Variants in CCDC88C observed in about 807,000 individuals in gnomAD.
CCDC88C encodes the protein coiled-coil and HOOK domain protein 88C.
CCDC88C carries 131 observed loss-of-function variants against 198.8 expected under a neutral mutation model. The ratio of observed to expected loss-of-function variants is 0.66; its 90% confidence interval spans 0.57 to 0.76. The LOEUF is 0.76. Among genes scored for constraint, CCDC88C ranks in the 30% least tolerant of loss-of-function variants. The pLI, the probability that CCDC88C is intolerant of heterozygous loss-of-function variation, is 0.00. For missense variants in CCDC88C, 2,553 were observed against 2,631.6 expected (o/e 0.97, Z 0.65); for synonymous variants, 1,166 against 1,114.7 (o/e 1.05, Z -0.92).
chr14:91,377,051 T>A (rs556944871), intron 3 of CCDC88C, among the ~76,000 whole-genome samples: 136 of 129,230 alleles, frequency 1.1e-3, no homozygotes, highest in African/African-American at 3.9e-3. Flanking sequence ...ACTGAGACAC[T>A]GGTCTTGAAG....
chr14:91,391,922 T>C lies in CCDC88C; in HGVS notation c.270+16737A>G, dbSNP rs552914817. Among the ~76,000 whole-genome samples the C allele has an allele frequency of 2.6e-3, 396 of 152,294 alleles. 1 individual carries two copies. The highest frequency in any genetic ancestry group is 9.2e-3 in the African/African-American group (384 of 41,568). Reference sequence around the variant, plus strand: ...CGCTTTCCAGCTACTTTCTTTTTTTTTGGAGACGGAGTCTTGCTCTGTCGC... The same window carrying C: ...CGCTTTCCAGCTACTTTCTTTTTTTCTGGAGACGGAGTCTTGCTCTGTCGC... On this transcript the variant is annotated intron_variant, in intron 3 of 29. Transcript: ENST00000389857.
rs377498688 is a variant in CCDC88C, at chr14:91,314,054, C to G, written c.1762G>C (p.Val588Leu). 3.1e-6 allele frequency: 5 copies of G among 1,613,804 alleles called. No homozygotes were observed. Among genetic ancestry groups the G allele is most frequent in the Non-Finnish European group, 4.2e-6 (5 of 1,179,890 alleles). ...QVSSEARMKD[V>L]EKENKALHQT... is the part of the protein sequence containing the mutation. ...TGGAGGGCTTTGTTCTCCTTCTCCACGTCTTTCATGCGGGCCTCACTGCTG... is the reference window on the plus strand; with the variant it reads ...TGGAGGGCTTTGTTCTCCTTCTCCAGGTCTTTCATGCGGGCCTCACTGCTG... Residue 588 changes from valine (V) to leucine (L), a missense_variant, in exon 15 of 30, where the codon GTG (valine) becomes CTG (leucine). By Grantham distance (32) the Val-to-Leu change is conservative (BLOSUM62 1). This residue lies in a region of CCDC88C where 1,260 missense variants were observed against 1,412.0 expected (regional missense o/e 0.89). Transcript: ENST00000389857.
chr14:91,303,826 G>C lies in CCDC88C; in HGVS notation c.3510C>G (p.Asp1170Glu), dbSNP rs778615490. 1 of 1,613,330 alleles carries C rather than the reference G, an allele frequency of 6.2e-7. No individual in the cohort carries two copies. Among genetic ancestry groups the C allele is most frequent in the East Asian group, 2.2e-5 (1 of 44,888 alleles). ...LTAAYEALLQ[D>E]HEHLGTLHER... Reference sequence around the variant, plus strand: ...CGTGCAGCGTGCCCAGGTGCTCGTGGTCCTGCAGCAGGGCCTCGTAGGCCG... The same window carrying C: ...CGTGCAGCGTGCCCAGGTGCTCGTGCTCCTGCAGCAGGGCCTCGTAGGCCG... Residue 1170 changes from aspartate (D) to glutamate (E), a missense_variant, in exon 20 of 30, where the codon GAC becomes GAG. Physicochemically the swap from Asp to Glu is conservative, Grantham distance 45. Around this residue, in one of 2 missense-constraint regions of CCDC88C, gnomAD observed 1,293 missense variants for 1,219.6 expected, o/e 1.06. Transcript: ENST00000389857.
intron 13 of CCDC88C, among the ~76,000 whole-genome samples, chr14:91,320,082 C>T (rs1892295938): frequency 6.7e-6 from 1 of 148,666 alleles, no homozygotes; most frequent in South Asian, 2.1e-4. Flanking sequence ...TGCTAAATTT[C>T]CTGGCACAAG....
intron 10 of CCDC88C, among the ~76,000 whole-genome samples, chr14:91,329,903 T>C (rs898797905): frequency 2.6e-5 from 4 of 152,258 alleles, no homozygotes; most frequent in African/African-American, 9.6e-5. Context: ...GAAGGCCCAG[T>C]CAGGCAATGT....
chr14:91,292,465 C>G (rs974961423), intron 23 of CCDC88C, among the ~76,000 whole-genome samples: 6 of 152,218 alleles, frequency 3.9e-5, no homozygotes, highest in Non-Finnish European at 8.8e-5. Context: ...GGGCCAACTT[C>G]AGGGTCATTT....
intron 3 of CCDC88C, among the ~76,000 whole-genome samples, chr14:91,386,438 G>T (rs943685148): frequency 1.3e-5 from 2 of 152,224 alleles, no homozygotes; most frequent in East Asian, 3.9e-4. Flanking sequence ...TCCGGCCCGG[G>T]AAACAAGAGT....
Position 91,325,792 on chromosome 14 carries a change from C to T in CCDC88C, c.1197+118G>A. The T allele has an allele frequency of 9.9e-7, 1 of 1,010,764 alleles. No individual in the cohort carries two copies. The allele number at this position is 1,010,764 out of a possible 1,614,324, so 62.6% of individuals were successfully genotyped here. Reference sequence around the variant, plus strand: ...CCTCGCTAGGTTGCCAGGGTTAGAACTCCTGCGCTCAAGGGATCCTCCCAC... The same window carrying T: ...CCTCGCTAGGTTGCCAGGGTTAGAATTCCTGCGCTCAAGGGATCCTCCCAC... On this transcript the variant is annotated intron_variant, in intron 11 of 29. Transcript: ENST00000389857. The surrounding 1 kb of genome is among the most constrained non-coding windows in gnomAD (Gnocchi z 4.1).
At position 91,359,072 on chromosome 14, in the gene CCDC88C, C is replaced by T. The variant is rs540853914; in HGVS notation, c.340+570G>A. Among the ~76,000 whole-genome samples, 9 of 152,048 alleles carry T rather than the reference C, an allele frequency of 5.9e-5. No individual in the cohort carries two copies. In the South Asian group the frequency reaches 1.5e-3, roughly 25 times the overall value. ...CCACCAGATGGTATGACTCAGGCACCTAAACCCAAACTCATCTTCCCAGGA... is the reference window on the plus strand; with the variant it reads ...CCACCAGATGGTATGACTCAGGCACTTAAACCCAAACTCATCTTCCCAGGA... On this transcript the variant is annotated intron_variant, in intron 4 of 29. Coordinates refer to ENST00000389857, the MANE Select transcript of CCDC88C (RefSeq NM_001080414.4).
At chr14:91,391,286 TTTAA>T (rs145427378) in intron 3 of CCDC88C, among the ~76,000 whole-genome samples, 1,674 of 152,282 alleles carry the variant, frequency 0.011, 16 homozygotes, top group Middle Eastern at 0.017. Context: ...GGTGCCCGTT[TTTAA>T]TTGTGGTAAA....
rs574237789 is a variant in CCDC88C, at chr14:91,323,505, G to A, written c.1342+1274C>T. Among the ~76,000 whole-genome samples, 17 of 152,312 alleles carry A rather than the reference G, an allele frequency of 1.1e-4. No homozygotes were observed. In the South Asian group the frequency reaches 3.1e-3, roughly 28 times the overall value. ...TTTATGCCAGGTCTTTCTGGCTCTC[G>A]AAGCCACTGCCCCATACACTCAGGC... On this transcript the variant is annotated intron_variant, in intron 12 of 29. Coordinates refer to ENST00000389857, the MANE Select transcript of CCDC88C (RefSeq NM_001080414.4).
chr14:91,336,742 CCT>C (rs1186754726), intron 10 of CCDC88C, among the ~76,000 whole-genome samples: 1 of 152,208 alleles, frequency 6.6e-6, no homozygotes, highest in African/African-American at 2.4e-5. Context: ...AAAGACACTC[CCT>C]GAGTGGGTCT....
intron 2 of CCDC88C, among the ~76,000 whole-genome samples, chr14:91,413,729 A>T (rs1037588216): frequency 1.3e-5 from 2 of 152,182 alleles, no homozygotes; most frequent in Non-Finnish European, 2.9e-5. Flanking sequence ...AGAGACTACT[A>T]ACAGCCTTCT....
intron 4 of CCDC88C, among the ~76,000 whole-genome samples, chr14:91,345,045 C>CA (rs1647845581): frequency 6.6e-6 from 1 of 151,440 alleles, no homozygotes; most frequent in African/African-American, 2.4e-5. Context: ...CCTCCTGCCT[C>CA]AGCCTTCCAA....
At chr14:91,329,684 C>G (rs1350879801) in intron 10 of CCDC88C, among the ~76,000 whole-genome samples, 1 of 152,230 alleles carries the variant, frequency 6.6e-6, no homozygotes, top group Non-Finnish European at 1.5e-5. Flanking sequence ...ATTAATTAAT[C>G]AATTGTCAGT....
intron 22 of CCDC88C, among the ~76,000 whole-genome samples, chr14:91,295,426 G>A (rs1036794043): frequency 7.9e-5 from 12 of 152,222 alleles, no homozygotes; most frequent in African/African-American, 2.7e-4. Context: ...CGTCACAAAC[G>A]TGGCAAGTCA....
chr14:91,345,190 ATTTT>A (rs58941451), intron 4 of CCDC88C, among the ~76,000 whole-genome samples: 1 of 52,204 alleles, frequency 1.9e-5, no homozygotes, highest in Admixed American at 3.0e-4. Context: ...ATATATATAT[ATTTT>A]TTTTTTTTTT....
intron 4 of CCDC88C, among the ~76,000 whole-genome samples, chr14:91,345,190 A>ATATATATATTTTTTTTT (rs1246878587): frequency 1.1e-4 from 6 of 52,200 alleles, no homozygotes; most frequent in East Asian, 5.6e-4. Context: ...ATATATATAT[A>ATATATATATTTTTTTTT]TTTTTTTTTT....
intron 3 of CCDC88C, among the ~76,000 whole-genome samples, chr14:91,390,107 A>G (rs368685999): frequency 4.6e-5 from 7 of 152,166 alleles, no homozygotes; most frequent in East Asian, 1.9e-4. Context: ...AAAAAAAAAA[A>G]AGAGAAAATA....
Sources: allele counts gnomAD v4.1 joint callset (sites outside exome capture counted in the v4.1 genomes callset), GRCh38; gene constraint gnomAD v4.1.1; regional missense constraint gnomAD v4.1.1; non-coding constraint Gnocchi (gnomAD v3.1); transcripts MANE v1.5; gene names NCBI Gene and HGNC (gene_info 2026-07-23, HGNC 2026-07-21).